Variants in DOCK3 observed in about 807,000 individuals in gnomAD.
The protein encoded by DOCK3 is dedicator of cytokinesis 3, also known as dedicator of cytokinesis protein 3.
DOCK3 carries 60 observed loss-of-function variants against 265.6 expected under a neutral mutation model. The ratio of observed to expected loss-of-function variants is 0.23; its 90% CI spans 0.18 to 0.28. DOCK3 has a LOEUF of 0.28. Ranked by LOEUF, DOCK3 falls within the 10% of genes least tolerant of loss-of-function variation. The probability of loss-of-function intolerance (pLI) is 1.00; values close to 1 mark genes in which losing one functional copy is unlikely to be tolerated. For missense variants in DOCK3, 1,981 were observed against 2,594.3 expected, an observed-to-expected ratio of 0.76 and a Z score of 5.14; for synonymous variants, 881 against 938.0, an observed-to-expected ratio of 0.94 and a Z score of 1.11.
intron 14 of DOCK3, among the ~76,000 whole-genome samples, chr3:51,223,115 A>T (rs1201547790): frequency 1.3e-5 from 2 of 152,138 alleles, no homozygotes; most frequent in African/African-American, 4.8e-5. Context: ...ATTTTAAAAA[A>T]TTTGTTTTGA....
intron 12 of DOCK3, among the ~76,000 whole-genome samples, chr3:51,179,935 C>A (rs545439667): frequency 6.6e-6 from 1 of 151,544 alleles, no homozygotes; most frequent in South Asian, 2.1e-4. Context: ...CCGGCGGACG[C>A]GGTGTCTCAT....
At chr3:51,175,086 G>A (rs1268812880) in intron 12 of DOCK3, among the ~76,000 whole-genome samples, 2 of 152,172 alleles carry the variant, frequency 1.3e-5, no homozygotes, top group Non-Finnish European at 2.9e-5. Flanking sequence ...TCCTGGGCAG[G>A]CAGGACTAGC....
intron 8 of DOCK3, among the ~76,000 whole-genome samples, 161 bp from the exon 9 acceptor site, chr3:51,090,069 G>C (rs1369758194): frequency 1.3e-5 from 2 of 151,858 alleles, no homozygotes; most frequent in Non-Finnish European, 2.9e-5. Context: ...ACCCAAGTCT[G>C]TTGATGCAGC....
At chr3:50,719,564 A>G (rs980558611) in intron 1 of DOCK3, 1 of 1,366,258 alleles carries the variant, frequency 7.3e-7, no homozygotes, top group African/African-American at 1.4e-5. Flanking sequence ...GGCCTGCATA[A>G]TATTAATGCT....
intron 1 of DOCK3, among the ~76,000 whole-genome samples, chr3:50,700,342 C>T (rs1576150817): frequency 6.6e-6 from 1 of 152,332 alleles, no homozygotes; most frequent in Non-Finnish European, 1.5e-5. Flanking sequence ...TTGTATATTA[C>T]TACTATGCTG....
chr3:51,170,364 T>TG (rs1326666082), intron 12 of DOCK3, among the ~76,000 whole-genome samples: 2 of 152,200 alleles, frequency 1.3e-5, no homozygotes, highest in Non-Finnish European at 2.9e-5. Context: ...ACTTCACCCA[T>TG]GAAGCCTTTT....
chr3:51,376,142 G>C (rs1433824339), intron 51 of DOCK3, among the ~76,000 whole-genome samples: 1 of 152,082 alleles, frequency 6.6e-6, no homozygotes, highest in Non-Finnish European at 1.5e-5. Flanking sequence ...TACTTCCCTA[G>C]ACTCCTCCCA....
chr3:51,066,814 AC>A (rs1453396552), intron 6 of DOCK3, among the ~76,000 whole-genome samples: 3 of 152,160 alleles, frequency 2.0e-5, no homozygotes, highest in African/African-American at 7.2e-5. Context: ...TGAAGCCACA[AC>A]TTTATATCTT....
intron 2 of DOCK3, among the ~76,000 whole-genome samples, chr3:50,820,612 G>A (rs181544330): frequency 6.6e-6 from 1 of 152,216 alleles, no homozygotes; most frequent in East Asian, 1.9e-4. Flanking sequence ...CTTTGCTATT[G>A]TGAATAGTGC....
At chr3:50,692,711 C>T (rs942705496) in intron 1 of DOCK3, among the ~76,000 whole-genome samples, 7 of 152,198 alleles carry the variant, frequency 4.6e-5, no homozygotes, top group Middle Eastern at 6.8e-3. Context: ...TGGTGTCCTT[C>T]GATGCATGAA....
Position 51,356,344 on chromosome 3 carries a change from C to G in DOCK3, c.4417-63C>G. The G allele has an allele frequency of 5.0e-6, 8 of 1,611,866 alleles. No homozygotes were observed. The South Asian group carries it at 8.8e-5, about 18-fold the overall frequency. On this transcript the variant is annotated intron_variant, in intron 42 of 52. Coordinates refer to ENST00000266037, the MANE Select transcript of DOCK3 (RefSeq NM_004947.5). The stretch of plus-strand genomic sequence containing the variant: ...GGGAACTCACCACTGTTTTATCCCT[C>G]AGGTAGGCAGGGTGTGGCAAAACTT...
At chr3:50,965,801 T>C (rs1177160483) in intron 5 of DOCK3, among the ~76,000 whole-genome samples, 1 of 152,180 alleles carries the variant, frequency 6.6e-6, no homozygotes. Flanking sequence ...ATTTTTTAGC[T>C]TAAAAATATT....
intron 3 of DOCK3, among the ~76,000 whole-genome samples, chr3:50,867,941 G>T (rs1371542688): frequency 6.6e-6 from 1 of 152,048 alleles, no homozygotes; most frequent in Non-Finnish European, 1.5e-5. Context: ...GGCCTTTGTA[G>T]AATGGTTTGG....
chr3:51,165,035 T>G (rs1378349024), intron 12 of DOCK3, among the ~76,000 whole-genome samples: 5 of 145,720 alleles, frequency 3.4e-5, no homozygotes, highest in Non-Finnish European at 7.5e-5. Flanking sequence ...GCCTCCCAGA[T>G]TCAAGCCATT....
intron 5 of DOCK3, among the ~76,000 whole-genome samples, chr3:51,003,966 G>C (rs907034254): frequency 6.6e-6 from 1 of 152,088 alleles, no homozygotes; most frequent in Non-Finnish European, 1.5e-5. Flanking sequence ...AAATATGTAC[G>C]TAGCTGAGAA....
chr3:51,214,442 GA>G (rs1173969769), intron 14 of DOCK3, among the ~76,000 whole-genome samples, 195 bp downstream of exon 14: 1 of 152,178 alleles, frequency 6.6e-6, no homozygotes, highest in Non-Finnish European at 1.5e-5. Context: ...TTCTTTTCCA[GA>G]AGCCCCTACA....
intron 5 of DOCK3, among the ~76,000 whole-genome samples, chr3:51,055,620 C>T (rs903379558): frequency 2.0e-5 from 3 of 152,114 alleles, no homozygotes; most frequent in Non-Finnish European, 1.5e-5. Flanking sequence ...AGCCTGAGAA[C>T]GCCTCAGCTG....
intron 6 of DOCK3, among the ~76,000 whole-genome samples, chr3:51,068,602 GCT>G (rs1366245183): frequency 6.7e-6 from 1 of 149,866 alleles, no homozygotes; most frequent in African/African-American, 2.5e-5. Context: ...TAGGACAAGA[GCT>G]CTGTTTACCC....
intron 3 of DOCK3, among the ~76,000 whole-genome samples, chr3:50,851,534 G>A (rs779895029): frequency 2.0e-5 from 3 of 152,108 alleles, no homozygotes; most frequent in South Asian, 2.1e-4. Flanking sequence ...CTAGGCAAGC[G>A]GATGCCCCAT....
Sources: allele counts gnomAD v4.1 joint callset (sites outside exome capture counted in the v4.1 genomes callset), GRCh38; gene constraint gnomAD v4.1.1; transcripts MANE v1.5; gene names NCBI Gene and HGNC (gene_info 2026-07-23, HGNC 2026-07-21).